The following CPEB3 variants were observed in gnomAD, a reference collection of about 807,000 sequenced individuals.
The protein encoded by CPEB3 is cytoplasmic polyadenylation element binding protein 3, also known as cytoplasmic polyadenylation element-binding protein 3.
Under a neutral mutation model 67.2 loss-of-function variants are expected in CPEB3, and 20 were observed. The observed-to-expected ratio is 0.30, with a 90% CI of 0.21 to 0.43. The LOEUF is 0.43. Among genes scored for constraint, CPEB3 ranks in the 20% least tolerant of loss-of-function variants. The probability of loss-of-function intolerance (pLI) is 1.00; values close to 1 mark genes in which losing one functional copy is unlikely to be tolerated. For synonymous variants in CPEB3, 376 were observed against 393.1 expected, an observed-to-expected ratio of 0.96 and a Z score of 0.51; for missense variants, 746 against 968.6, an observed-to-expected ratio of 0.77 and a Z score of 3.05.
intron 6 of CPEB3, among the ~76,000 whole-genome samples, chr10:92,134,819 T>C (rs556405852): frequency 1.3e-5 from 2 of 151,868 alleles, no homozygotes; most frequent in Non-Finnish European, 2.9e-5. Context: ...AACAGATATA[T>C]AGACCAATGG....
chr10:92,284,962 A>G (rs987594375), intron 1 of CPEB3, among the ~76,000 whole-genome samples: 1 of 152,222 alleles, frequency 6.6e-6, no homozygotes, highest in African/African-American at 2.4e-5. Context: ...TAGGTAATTT[A>G]TAAAGAAAAG....
intron 5 of CPEB3, 41 bp from the exon 6 acceptor site, chr10:92,143,159 T>A (rs1846520005): frequency 6.8e-7 from 1 of 1,476,310 alleles, no homozygotes. Context: ...GAGAAAAAAA[T>A]ATTGCAATCA....
intron 2 of CPEB3, among the ~76,000 whole-genome samples, chr10:92,199,243 TAGTC>T (rs1053826190): frequency 1.7e-4 from 26 of 151,142 alleles, no homozygotes; most frequent in African/African-American, 6.1e-4. Flanking sequence ...AATCCAAAAT[TAGTC>T]AGGCATGGTG....
intron 1 of CPEB3, among the ~76,000 whole-genome samples, chr10:92,269,628 G>A (rs1853214513): frequency 1.3e-5 from 2 of 152,066 alleles, no homozygotes; most frequent in African/African-American, 2.4e-5. Context: ...CGCAATCTCG[G>A]CTCACCACAA....
At chr10:92,272,760 T>A (rs149232268) in intron 1 of CPEB3, among the ~76,000 whole-genome samples, 6 of 152,274 alleles carry the variant, frequency 3.9e-5, no homozygotes, top group African/African-American at 7.2e-5. Context: ...TCCAAAATTG[T>A]TAAATTTATG....
At chr10:92,123,946 C>T (rs899913975) in intron 6 of CPEB3, among the ~76,000 whole-genome samples, 4 of 152,162 alleles carry the variant, frequency 2.6e-5, no homozygotes, top group Admixed American at 6.6e-5. Context: ...TTAACATATC[C>T]TCTGTTGGTC....
chr10:92,194,323 C>T (rs993680871), intron 2 of CPEB3, among the ~76,000 whole-genome samples: 7 of 151,680 alleles, frequency 4.6e-5, no homozygotes, highest in Admixed American at 6.6e-5. Flanking sequence ...GCCTGTAATC[C>T]CAGCTACTCA....
chr10:92,077,831 G>C (rs909348085), intron 9 of CPEB3, among the ~76,000 whole-genome samples: 1 of 151,206 alleles, frequency 6.6e-6, no homozygotes, highest in Non-Finnish European at 1.5e-5. Context: ...GGGGAGTGAA[G>C]GGGAGGGGAA....
At chr10:92,093,228 AG>A (rs1323685683) in intron 7 of CPEB3, among the ~76,000 whole-genome samples, 1 of 152,202 alleles carries the variant, frequency 6.6e-6, no homozygotes, top group Non-Finnish European at 1.5e-5. Flanking sequence ...TCTGTCCTCA[AG>A]GAACATGCCA....
chr10:92,275,366 A>C (rs75659413), intron 1 of CPEB3, among the ~76,000 whole-genome samples: 6 of 152,218 alleles, frequency 3.9e-5, no homozygotes, highest in Non-Finnish European at 7.3e-5. Context: ...TGAAACAAAA[A>C]ATCCTAAATG....
At chr10:92,276,153 T>C (rs1314188034) in intron 1 of CPEB3, among the ~76,000 whole-genome samples, 3 of 152,002 alleles carry the variant, frequency 2.0e-5, no homozygotes, top group African/African-American at 7.2e-5. Flanking sequence ...CGGCATTTCA[T>C]TCTTTTTCAT....
At chr10:92,145,191 G>T in intron 4 of CPEB3, 106 bp from the exon 5 acceptor site, 1 of 1,276,216 alleles carries the variant, frequency 7.8e-7, no homozygotes, top group Non-Finnish European at 1.1e-6. Context: ...CCGAAGTGCA[G>T]AGAGAAGCAT....
intron 6 of CPEB3, among the ~76,000 whole-genome samples, chr10:92,139,684 A>G (rs1039432523): frequency 6.6e-6 from 1 of 152,242 alleles, no homozygotes; most frequent in Admixed American, 6.5e-5. Flanking sequence ...TAACTAAAGT[A>G]TAATTGGAAT....
At chr10:92,148,157 C>T (rs1193004986) in intron 4 of CPEB3, among the ~76,000 whole-genome samples, 1 of 152,162 alleles carries the variant, frequency 6.6e-6, no homozygotes, top group Non-Finnish European at 1.5e-5. Context: ...TCAATGATTT[C>T]CCATTACTTT....
chr10:92,085,756 G>A (rs2133251140), intron 8 of CPEB3, among the ~76,000 whole-genome samples: 1 of 152,188 alleles, frequency 6.6e-6, no homozygotes, highest in East Asian at 1.9e-4. Flanking sequence ...TTATAGGAGT[G>A]CAGTCACCAC....
chr10:92,053,708 A>AT (rs1380555941), intron 9 of CPEB3, among the ~76,000 whole-genome samples: 1 of 151,992 alleles, frequency 6.6e-6, no homozygotes, highest in Non-Finnish European at 1.5e-5. Context: ...CGCCTGGCTA[A>AT]TTTTTTGTAT....
chr10:92,236,081 TC>T (rs1228179128), intron 2 of CPEB3, among the ~76,000 whole-genome samples: 1 of 152,066 alleles, frequency 6.6e-6, no homozygotes. Context: ...CATATATAAT[TC>T]CCCCCAGTGG....
At chr10:92,181,367 C>CA (rs55896574) in intron 3 of CPEB3, among the ~76,000 whole-genome samples, 6,341 of 95,194 alleles carry the variant, frequency 0.067, 251 homozygotes, top group African/African-American at 0.099. Context: ...ATTCAAGCAG[C>CA]AAAAAAAAAA....
Position 92,165,770 on chromosome 10 carries a change from T to C in CPEB3, c.1222+15193A>G, listed in dbSNP as rs546543349. 4.6e-5 allele frequency among the ~76,000 whole-genome samples: 7 copies of C among 152,338 alleles called. No homozygotes were observed. In the South Asian group the frequency reaches 1.4e-3, roughly 32 times the overall value. ...CTTAAGAAACCACTTTCTTTGCTTGTACATAAGAAGCAATTTTTCATCCAT... is the reference window on the plus strand; with the variant it reads ...CTTAAGAAACCACTTTCTTTGCTTGCACATAAGAAGCAATTTTTCATCCAT... On this transcript the variant is annotated intron_variant, in intron 4 of 9. Coordinates refer to ENST00000265997, the MANE Select transcript of CPEB3 (RefSeq NM_014912.5).
Sources: gnomAD v4.1 joint callset for allele counts (sites outside exome capture counted in the v4.1 genomes callset) on GRCh38, gnomAD v4.1.1 for gene constraint, MANE v1.5 for transcripts, NCBI Gene and HGNC (gene_info 2026-07-23, HGNC 2026-07-21) for gene names.